NCKAP5: variants seen among roughly 807,000 people sequenced by gnomAD.
The protein encoded by NCKAP5 is NCK associated protein 5.
NCKAP5 carries 92 observed loss-of-function variants against 167.0 expected under a neutral mutation model. The ratio of observed to expected loss-of-function variants is 0.55; its 90% CI spans 0.47 to 0.66. NCKAP5 has a LOEUF of 0.66. NCKAP5 is among the 30% of genes least tolerant of loss of function. The pLI, the probability that NCKAP5 is intolerant of heterozygous loss-of-function variation, is 0.00. For missense variants in NCKAP5, 2,378 were observed against 2,315.0 expected (o/e 1.03, Z -0.56); for synonymous variants, 891 against 877.4 (o/e 1.02, Z -0.27).
At chr2:132,910,445 T>C (rs4954007) in intron 8 of NCKAP5, among the ~76,000 whole-genome samples, 1 of 151,934 alleles carries the variant, frequency 6.6e-6, no homozygotes, top group Admixed American at 6.6e-5. Context: ...CTAGTAACCA[T>C]CCTTCTACTC....
chr2:132,914,675 C>A (rs1351138813), intron 8 of NCKAP5, among the ~76,000 whole-genome samples: 1 of 152,004 alleles, frequency 6.6e-6, no homozygotes, highest in Non-Finnish European at 1.5e-5. Flanking sequence ...CTTCTGAATT[C>A]TATGACCACT....
chr2:133,517,622 T>C, intron 2 of NCKAP5, 35 bp from the exon 3 acceptor site: 2 of 746,888 alleles, frequency 2.7e-6, no homozygotes, highest in Non-Finnish European at 4.1e-6. Flanking sequence ...ACTATCCAAG[T>C]ACACAGTGTT....
At chr2:132,769,826 A>G (rs1374228057) in intron 16 of NCKAP5, among the ~76,000 whole-genome samples, 1 of 152,206 alleles carries the variant, frequency 6.6e-6, no homozygotes, top group South Asian at 2.1e-4. Context: ...AGCCTTCCTT[A>G]TACTTTTGTC....
chr2:132,986,433 C>T (rs536542950), intron 7 of NCKAP5, among the ~76,000 whole-genome samples: 6 of 152,254 alleles, frequency 3.9e-5, no homozygotes, highest in South Asian at 2.1e-4. Context: ...ATCACTTGAA[C>T]TCAGTAGATT....
At chr2:133,433,336 C>T (rs1690277791) in intron 3 of NCKAP5, among the ~76,000 whole-genome samples, 3 of 152,212 alleles carry the variant, frequency 2.0e-5, no homozygotes, top group Admixed American at 1.3e-4. Context: ...GACACTACAA[C>T]TTCTCTGCCA....
At chr2:133,088,068 T>C (rs1356478269) in intron 6 of NCKAP5, among the ~76,000 whole-genome samples, 2 of 152,218 alleles carry the variant, frequency 1.3e-5, no homozygotes, top group Non-Finnish European at 1.5e-5. Context: ...TCTCTCACTA[T>C]TAAAAGGCGG....
At chr2:133,192,129 A>G (rs1391645686) in intron 5 of NCKAP5, among the ~76,000 whole-genome samples, 1 of 152,090 alleles carries the variant, frequency 6.6e-6, no homozygotes, top group Non-Finnish European at 1.5e-5. Context: ...TAAAGAAACC[A>G]GAAATACACC....
intron 7 of NCKAP5, among the ~76,000 whole-genome samples, chr2:132,975,108 AT>A (rs2076942714): frequency 6.6e-6 from 1 of 151,688 alleles, no homozygotes; most frequent in Non-Finnish European, 1.5e-5. Context: ...AGCATACTAA[AT>A]TTTAAAGAGG....
the NCKAP5 span, among the ~76,000 whole-genome samples, chr2:133,620,701 G>A: frequency 1.3e-5 from 2 of 151,950 alleles, no homozygotes; most frequent in African/African-American, 2.4e-5. Context: ...CTGACAGCAC[G>A]AGACAGGTCA....
intron 6 of NCKAP5, among the ~76,000 whole-genome samples, chr2:133,053,011 G>A (rs537756686): frequency 2.0e-5 from 3 of 152,196 alleles, no homozygotes; most frequent in South Asian, 4.2e-4. Context: ...GAGAGGGGGA[G>A]ATAAAAAACA....
intron 4 of NCKAP5, among the ~76,000 whole-genome samples, chr2:133,215,030 A>G (rs914602551): frequency 6.6e-6 from 1 of 152,202 alleles, no homozygotes; most frequent in Admixed American, 6.5e-5. Flanking sequence ...CTGAATAAAT[A>G]CCTAAAGGCA....
At position 132,989,365 on chromosome 2, in the gene NCKAP5, A is replaced by C. The variant is rs144991483; in HGVS notation, c.429+4787T>G. On this transcript the variant is annotated intron_variant, in intron 7 of 19. Transcript: ENST00000409261. ...ATTAAATGAAATGGTGGTGTGAGTG[A>C]CACAAATATGAAACATAACACATAT... Among the ~76,000 whole-genome samples, 496 of 152,336 alleles carry C rather than the reference A, an allele frequency of 3.3e-3. 2 individuals carry two copies. The highest frequency in any genetic ancestry group is 0.011 in the African/African-American group (470 of 41,582).
intron 3 of NCKAP5, among the ~76,000 whole-genome samples, chr2:133,357,271 G>C (rs190931246): frequency 3.7e-5 from 5 of 135,544 alleles, no homozygotes; most frequent in South Asian, 4.8e-4. Context: ...CTATTAGTTG[G>C]GTCACACACA....
chr2:132,827,519 T>C (rs942980892), intron 11 of NCKAP5, among the ~76,000 whole-genome samples: 2 of 152,194 alleles, frequency 1.3e-5, no homozygotes, highest in Non-Finnish European at 2.9e-5. Context: ...TCTCAAACAT[T>C]TATCTTTCCT....
intron 8 of NCKAP5, among the ~76,000 whole-genome samples, chr2:132,933,528 G>A (rs1463366726): frequency 6.6e-6 from 1 of 152,172 alleles, no homozygotes; most frequent in Non-Finnish European, 1.5e-5. Context: ...CAAACTTTGT[G>A]TTTCTCACGG....
At chr2:133,449,256 A>G (rs1691402094) in intron 3 of NCKAP5, among the ~76,000 whole-genome samples, 2 of 152,228 alleles carry the variant, frequency 1.3e-5, no homozygotes, top group African/African-American at 4.8e-5. Flanking sequence ...CTAAACTGCT[A>G]TTCATTCTCA....
At chr2:133,242,119 CAAAAAAAAAA>C (rs1176776551) in intron 4 of NCKAP5, among the ~76,000 whole-genome samples, 1 of 48,280 alleles carries the variant, frequency 2.1e-5, no homozygotes, top group Non-Finnish European at 4.5e-5. Flanking sequence ...AACTCTGTCT[CAAAAAAAAAA>C]AAAAAAAAAA....
chr2:133,193,682 A>C (rs1474150447), intron 5 of NCKAP5, among the ~76,000 whole-genome samples: 1 of 152,036 alleles, frequency 6.6e-6, no homozygotes, highest in Non-Finnish European at 1.5e-5. Flanking sequence ...TAGCGATTCA[A>C]CCAACATGTA....
intron 3 of NCKAP5, among the ~76,000 whole-genome samples, chr2:133,453,262 C>A (rs368041674): frequency 1.3e-5 from 2 of 152,048 alleles, no homozygotes; most frequent in Non-Finnish European, 2.9e-5. Flanking sequence ...AAAATAAATT[C>A]GTCATTTGTC....
Sources: allele counts gnomAD v4.1 joint callset (sites outside exome capture counted in the v4.1 genomes callset), GRCh38; gene constraint gnomAD v4.1.1; transcripts MANE v1.5; gene names NCBI Gene and HGNC (gene_info 2026-07-23, HGNC 2026-07-21).